The following MAP3K4 variants were observed in gnomAD, a reference collection of about 807,000 sequenced individuals.
The protein encoded by MAP3K4 is MAP three kinase 1.
MAP3K4 carries 67 observed loss-of-function variants against 185.6 expected under a neutral mutation model. The observed-to-expected ratio is 0.36, with a 90% confidence interval of 0.30 to 0.44. The LOEUF (loss-of-function observed/expected upper bound fraction) is 0.44. Ranked by LOEUF, MAP3K4 falls within the 20% of genes least tolerant of loss-of-function variation. The pLI is 1.00. For synonymous variants in MAP3K4, 702 were observed against 710.4 expected (o/e 0.99, Z 0.19); for missense variants, 1,551 against 1,995.1 (o/e 0.78, Z 4.24).
intron 11 of MAP3K4, among the ~76,000 whole-genome samples, chr6:161,090,522 G>A (rs1223360195): frequency 1.4e-5 from 2 of 146,740 alleles, no homozygotes; most frequent in Non-Finnish European, 3.0e-5. Flanking sequence ...GTGGAGGGCT[G>A]TCCTGCGCAT....
In MAP3K4 at chr6:161,070,381, G is replaced by A. The variant is rs570420975; in HGVS notation, c.1708-227G>A. Among the ~76,000 whole-genome samples the A allele has an allele frequency of 1.6e-4, 24 of 152,078 alleles. No individual in the cohort carries two copies. The highest frequency in any genetic ancestry group is 3.2e-4 in the Non-Finnish European group (22 of 67,958). ...TTCTTTGATCAAAGTATTGCAATTT[G>A]GTTTTGGTTCTCATTATGGTTTCCA... is the stretch of plus-strand genomic sequence containing the variant. On this transcript the variant is annotated intron_variant, in intron 3 of 26. Transcript: ENST00000392142. This position sits in a 1 kb window ranked among gnomAD's most constrained non-coding sequence, Gnocchi z 4.5.
In MAP3K4 at chr6:161,071,155, T is replaced by G. The variant is rs897903578; in HGVS notation, c.1950+305T>G. The stretch of plus-strand genomic sequence containing the variant: ...TCATAAGAGGTAGAGTATAAGATTC[T>G]TAAATTTATTTATTTTTTCTATTTG... On this transcript the variant is annotated intron_variant, in intron 4 of 26. Coordinates refer to ENST00000392142, the MANE Select transcript of MAP3K4 (RefSeq NM_005922.4). The surrounding 1 kb of genome is among the most constrained non-coding windows in gnomAD (Gnocchi z 4.6). Among the ~76,000 whole-genome samples, 1 of 152,220 alleles carries G rather than the reference T, an allele frequency of 6.6e-6. No individual in the cohort carries two copies. Among genetic ancestry groups the G allele is most frequent in the Non-Finnish European group, 1.5e-5 (1 of 68,040 alleles).
intron 25 of MAP3K4, among the ~76,000 whole-genome samples, chr6:161,113,544 C>T (rs1186879599): frequency 1.3e-5 from 2 of 152,004 alleles, no homozygotes; most frequent in African/African-American, 4.8e-5. Context: ...AGTGCATTGA[C>T]ATTGGTTCAT....
rs1307651634 is a variant in MAP3K4 at position 161,034,931 on chromosome 6, G to A, written c.343+482G>A. 6.6e-6 allele frequency among the ~76,000 whole-genome samples: 1 copy of A among 151,996 alleles called. No individual in the cohort carries two copies. The highest frequency in any genetic ancestry group is 1.5e-5 in the Non-Finnish European group (1 of 67,998). ...TGTAGGGCTCTCTTTTTCATACTAA[G>A]CACAGTGACCCCACACCTAACAACC... is the stretch of plus-strand genomic sequence containing the variant. On this transcript the variant is annotated intron_variant, in intron 2 of 26. Transcript: ENST00000392142. The surrounding 1 kb of genome is among the most constrained non-coding windows in gnomAD (Gnocchi z 4.4).
Position 161,098,257 on chromosome 6 carries a change from A to C in MAP3K4, c.3525-21A>C. On this transcript the variant is annotated intron_variant, in intron 16 of 26. Transcript: ENST00000392142. The surrounding 1 kb of genome is among the most constrained non-coding windows in gnomAD (Gnocchi z 4.4). ...TTCCCTCTTCTCACATGTGTTCCTG[A>C]AGCTTTTCTTCTTGTCTTAGCACTC... The C allele has an allele frequency of 6.2e-7, 1 of 1,604,432 alleles. No homozygotes were observed. The highest frequency in any genetic ancestry group is 8.5e-7 in the Non-Finnish European group (1 of 1,174,096).
At chr6:161,094,889 C>T (rs534917658) in intron 15 of MAP3K4, among the ~76,000 whole-genome samples, 3 of 151,954 alleles carry the variant, frequency 2.0e-5, no homozygotes, top group Admixed American at 6.6e-5. Flanking sequence ...AACACATGAT[C>T]GATAATTCAG....
rs1325152002 is a variant in MAP3K4 at position 161,098,350 on chromosome 6, T to A, written c.3597T>A (p.Ala1199=). The A allele has an allele frequency of 6.2e-7, 1 of 1,613,350 alleles. No individual in the cohort carries two copies. The highest frequency in any genetic ancestry group is 1.1e-5 in the South Asian group (1 of 91,028). The change falls in exon 17 of 27, where the codon GCT becomes GCA. Residue 1199 remains alanine (A), a synonymous_variant. Transcript: ENST00000392142. This position sits in a 1 kb window ranked among gnomAD's most constrained non-coding sequence, Gnocchi z 4.4. ...CTGCTGCTGCTGCTGCTGCTGCTGCTGTTGCTGCCAGTCGGCCCAGCCCCT... is the reference window on the plus strand; with the variant it reads ...CTGCTGCTGCTGCTGCTGCTGCTGCAGTTGCTGCCAGTCGGCCCAGCCCCT... ...PAAAAAAAAA[A]VAASRPSPSG...
At position 161,087,863 on chromosome 6, in the gene MAP3K4, G is replaced by A. The variant is rs202078557; in HGVS notation, c.2732G>A (p.Arg911His). 396 of 1,614,018 alleles carry A rather than the reference G, an allele frequency of 2.5e-4. No homozygotes were observed. Among genetic ancestry groups the A allele is most frequent in the Non-Finnish European group, 3.3e-4 (385 of 1,180,034 alleles). The change falls in exon 10 of 27, where the codon CGT becomes CAT. Residue 911 changes from arginine (R) to histidine (H), a missense_variant. By Grantham distance (29) the Arg-to-His change is conservative (BLOSUM62 0). Around this residue, in one of 16 missense-constraint regions of MAP3K4, gnomAD observed 261 missense variants for 306.5 expected, o/e 0.85. Coordinates refer to ENST00000392142, the MANE Select transcript of MAP3K4 (RefSeq NM_005922.4). This position sits in a 1 kb window ranked among gnomAD's most constrained non-coding sequence, Gnocchi z 4.9. ...LLLTKHGDRA[R>H]DSEDSWGTWE... ...CTGACCAAGCACGGTGATCGAGCCCGTGATTCAGAGGACAGCTGGGGCACC... is the reference window on the plus strand; with the variant it reads ...CTGACCAAGCACGGTGATCGAGCCCATGATTCAGAGGACAGCTGGGGCACC...
In MAP3K4 at chr6:161,076,579, C is replaced by T. The variant is rs1269459802; in HGVS notation, c.2097+2967C>T. Among the ~76,000 whole-genome samples, 1 of 152,022 alleles carries T rather than the reference C, an allele frequency of 6.6e-6. No homozygotes were observed. Among genetic ancestry groups the T allele is most frequent in the Non-Finnish European group, 1.5e-5 (1 of 68,002 alleles). On this transcript the variant is annotated intron_variant, in intron 5 of 26. Coordinates refer to ENST00000392142, the MANE Select transcript of MAP3K4 (RefSeq NM_005922.4). The surrounding 1 kb of genome is among the most constrained non-coding windows in gnomAD (Gnocchi z 4.2). ...CCTGGGTCCCTGGCCTCAGAAGTAACCAAGACAATAAACATAATAATACAT... is the reference window on the plus strand; with the variant it reads ...CCTGGGTCCCTGGCCTCAGAAGTAATCAAGACAATAAACATAATAATACAT...
chr6:161,082,655 C>T lies in MAP3K4; in HGVS notation c.2255+1617C>T, dbSNP rs1468474947. 1.3e-5 allele frequency among the ~76,000 whole-genome samples: 2 copies of T among 152,116 alleles called. No homozygotes were observed. Among genetic ancestry groups the T allele is most frequent in the East Asian group, 1.9e-4 (1 of 5,162 alleles). On this transcript the variant is annotated intron_variant, in intron 6 of 26. Coordinates refer to ENST00000392142, the MANE Select transcript of MAP3K4 (RefSeq NM_005922.4). The surrounding 1 kb of genome is among the most constrained non-coding windows in gnomAD (Gnocchi z 4.2). Reference sequence around the variant, plus strand: ...CAGGGTCAGTCGGTGTTGGAATCAGCGCTGACTCCTTTGTTTCCTGCACAC... The same window carrying T: ...CAGGGTCAGTCGGTGTTGGAATCAGTGCTGACTCCTTTGTTTCCTGCACAC...
rs192030597 is a variant in MAP3K4, at chr6:161,077,039, T to G, written c.2097+3427T>G. Among the ~76,000 whole-genome samples the G allele has an allele frequency of 1.3e-3, 202 of 152,250 alleles. 2 individuals are homozygous for G. Among genetic ancestry groups the G allele is most frequent in the African/African-American group, 4.6e-3 (192 of 41,542 alleles). On this transcript the variant is annotated intron_variant, in intron 5 of 26. Coordinates refer to ENST00000392142, the MANE Select transcript of MAP3K4 (RefSeq NM_005922.4). This position sits in a 1 kb window ranked among gnomAD's most constrained non-coding sequence, Gnocchi z 4.3. ...TTCTCTGAGGGGGGAGCATTGCAAC[T>G]TATCGGAAATTTATATACATTATAA...
At position 161,099,081 on chromosome 6, in the gene MAP3K4, A is replaced by G. The variant is rs117472656; in HGVS notation, c.3674+654A>G. 7.2e-5 allele frequency among the ~76,000 whole-genome samples: 11 copies of G among 152,344 alleles called. No homozygotes were observed. The East Asian group carries it at 2.1e-3, about 29-fold the overall frequency. ...GCAGAGGATTTCATCATGTTCTCCT[A>G]TCCTAAGTGGAGGAAGAGCTGTTGT... On this transcript the variant is annotated intron_variant, in intron 17 of 26. Coordinates refer to ENST00000392142, the MANE Select transcript of MAP3K4 (RefSeq NM_005922.4).
chr6:161,002,753 G>A (rs1042231763), intron 1 of MAP3K4, among the ~76,000 whole-genome samples: 9 of 151,736 alleles, frequency 5.9e-5, no homozygotes, highest in Admixed American at 2.6e-4. Context: ...CACCATGCCC[G>A]GCTAATTTTT....
Position 161,100,176 on chromosome 6 carries a change from G to C in MAP3K4, c.3675-1716G>C, listed in dbSNP as rs770687207. Among the ~76,000 whole-genome samples the C allele has an allele frequency of 2.6e-5, 4 of 152,172 alleles. No individual in the cohort carries two copies. The highest frequency in any genetic ancestry group is 4.4e-5 in the Non-Finnish European group (3 of 68,026). On this transcript the variant is annotated intron_variant, in intron 17 of 26. Transcript: ENST00000392142. The surrounding 1 kb of genome is among the most constrained non-coding windows in gnomAD (Gnocchi z 5.8). ...GCCTCAGTGCCTTCACAGTGAGCCTGGTTCATGGGCCCGTGAGTCACTGGT... is the reference window on the plus strand; with the variant it reads ...GCCTCAGTGCCTTCACAGTGAGCCTCGTTCATGGGCCCGTGAGTCACTGGT...
intron 1 of MAP3K4, among the ~76,000 whole-genome samples, chr6:160,999,554 G>T (rs1478898928): frequency 6.6e-6 from 1 of 152,098 alleles, no homozygotes; most frequent in Non-Finnish European, 1.5e-5. Context: ...AGAATTACAA[G>T]AGTTGAGCTC....
In MAP3K4 at chr6:161,087,829, T is replaced by C; in HGVS notation, c.2698T>C (p.Tyr900His). The change falls in exon 10 of 27, where the codon TAT becomes CAT. Residue 900 changes from tyrosine (Y) to histidine (H), a missense_variant. By Grantham distance (83) the Tyr-to-His change is moderately conservative (BLOSUM62 2). Around this residue, in one of 16 missense-constraint regions of MAP3K4, gnomAD observed 261 missense variants for 306.5 expected, o/e 0.85. Transcript: ENST00000392142. The surrounding 1 kb of genome is among the most constrained non-coding windows in gnomAD (Gnocchi z 4.9). ...KDSDDVLIDA[Y>H]LLLTKHGDRA... ...TTCAGATGACGTACTCATCGATGCC[T>C]ATCTGCTTCTGACCAAGCACGGTGA... 6.2e-7 allele frequency: 1 copy of C among 1,614,148 alleles called. No individual in the cohort carries two copies. The highest frequency in any genetic ancestry group is 2.2e-5 in the East Asian group (1 of 44,868).
chr6:161,109,966 C>A lies in MAP3K4; in HGVS notation c.4396+52C>A. On this transcript the variant is annotated intron_variant, in intron 23 of 26. Transcript: ENST00000392142. The surrounding 1 kb of genome is among the most constrained non-coding windows in gnomAD (Gnocchi z 5.7). ...TGGGCCAGAGCCACTGGTACCCAGC[C>A]CGTGGGAGGTGCTCTGAAGACGCTC... The A allele has an allele frequency of 2.5e-6, 4 of 1,596,932 alleles. No homozygotes were observed. Among genetic ancestry groups the A allele is most frequent in the Non-Finnish European group, 3.4e-6 (4 of 1,166,936 alleles).
At position 161,100,932 on chromosome 6, in the gene MAP3K4, G is replaced by A. The variant is rs1247320756; in HGVS notation, c.3675-960G>A. On this transcript the variant is annotated intron_variant, in intron 17 of 26. Transcript: ENST00000392142. The surrounding 1 kb of genome is among the most constrained non-coding windows in gnomAD (Gnocchi z 5.8). ...TTAACAAGTGCTATACTAGATTTGA[G>A]GGCTTAGGGAAATACCAGAAAAAAA... 4 of 151,942 alleles carry A rather than the reference G, an allele frequency of 2.6e-5. No individual in the cohort carries two copies. The highest frequency in any genetic ancestry group is 1.5e-5 in the Non-Finnish European group (1 of 68,014). The allele number at this position is 151,942 out of a possible 1,614,324, so 9.4% of individuals were successfully genotyped here.
intron 3 of MAP3K4, among the ~76,000 whole-genome samples, chr6:161,055,240 T>G (rs1405547436): frequency 2.0e-5 from 3 of 152,200 alleles, no homozygotes; most frequent in Non-Finnish European, 2.9e-5. Context: ...TCCAGTAGTT[T>G]CCAGGTGTCC....
Sources: allele counts gnomAD v4.1 joint callset (sites outside exome capture counted in the v4.1 genomes callset), GRCh38; gene constraint gnomAD v4.1.1; regional missense constraint gnomAD v4.1.1; non-coding constraint Gnocchi (gnomAD v3.1); transcripts MANE v1.5; gene names NCBI Gene and HGNC (gene_info 2026-07-23, HGNC 2026-07-21).